Variants in KIAA1549 observed in about 807,000 individuals in gnomAD.
KIAA1549 encodes the protein KIAA1549.
Under a neutral mutation model 156.4 loss-of-function variants are expected in KIAA1549, and 70 were observed. The ratio of observed to expected loss-of-function variants is 0.45; its 90% confidence interval spans 0.37 to 0.55. The LOEUF is 0.55. Among genes scored for constraint, KIAA1549 ranks in the 20% least tolerant of loss-of-function variants. The pLI is 0.00. For synonymous variants in KIAA1549, 1,103 were observed against 1,066.4 expected (o/e 1.03, Z -0.67); for missense variants, 2,428 against 2,540.9 (o/e 0.96, Z 0.96).
chr7:138,909,265 G>C (rs1420159901), intron 4 of KIAA1549, 144 bp from the exon 5 acceptor site: 7 of 824,620 alleles, frequency 8.5e-6, no homozygotes, highest in Non-Finnish European at 1.3e-5. Flanking sequence ...ACATTTCTAC[G>C]TATTTTCTCA....
chr7:138,939,446 T>C lies in KIAA1549; in HGVS notation c.188-20008A>G, dbSNP rs529461629. 3.0e-4 allele frequency among the ~76,000 whole-genome samples: 45 copies of C among 152,314 alleles called. 1 individual carries two copies. In the South Asian group the frequency reaches 6.8e-3, roughly 23 times the overall value. ...TTTTCCCCCTTTTTAAATCTCTCCC[T>C]ATTTACTTGTTAAAGAAAGGTCATT... On this transcript the variant is annotated intron_variant, in intron 1 of 19. Transcript: ENST00000422774.
intron 16 of KIAA1549, among the ~76,000 whole-genome samples, chr7:138,854,563 A>T (rs1363316258): frequency 2.0e-5 from 3 of 152,172 alleles, no homozygotes; most frequent in Non-Finnish European, 4.4e-5. Context: ...AACCAAAAAA[A>T]AGCAAATAGC....
At chr7:138,910,752 C>T (rs901040991) in intron 4 of KIAA1549, among the ~76,000 whole-genome samples, 2 of 135,590 alleles carry the variant, frequency 1.5e-5, no homozygotes, top group East Asian at 4.2e-4. Context: ...GCTGCCCTGG[C>T]TGGTCTCAAA....
intron 7 of KIAA1549, 68 bp from the exon 8 acceptor site, chr7:138,903,804 T>C: frequency 1.3e-5 from 1 of 75,182 alleles, no homozygotes; most frequent in Middle Eastern, 3.5e-3. Flanking sequence ...TGTGTGTGTG[T>C]GTGTGTGTGT....
chr7:138,849,295 T>C (rs1464891951), intron 17 of KIAA1549, among the ~76,000 whole-genome samples: 2 of 152,074 alleles, frequency 1.3e-5, no homozygotes, highest in Admixed American at 1.3e-4. Context: ...TTCCTTTACA[T>C]TTAATTGGAT....
At chr7:138,963,018 T>C (rs974379127) in intron 1 of KIAA1549, among the ~76,000 whole-genome samples, 1 of 152,232 alleles carries the variant, frequency 6.6e-6, no homozygotes, top group Non-Finnish European at 1.5e-5. Flanking sequence ...CTTCCCCTTG[T>C]AGACGGAGTT....
intron 2 of KIAA1549, among the ~76,000 whole-genome samples, chr7:138,913,425 A>G (rs1018046109): frequency 3.3e-5 from 5 of 152,226 alleles, no homozygotes; most frequent in Admixed American, 6.5e-5. Context: ...TTAAAAATCT[A>G]TACTAATAAG....
At chr7:138,942,417 G>A (rs1459287152) in intron 1 of KIAA1549, among the ~76,000 whole-genome samples, 1 of 151,050 alleles carries the variant, frequency 6.6e-6, no homozygotes, top group Non-Finnish European at 1.5e-5. Flanking sequence ...GGATGCTGAA[G>A]CCAGAGAGGC....
At chr7:138,891,420 C>T (rs1255276080) in intron 10 of KIAA1549, among the ~76,000 whole-genome samples, 5 of 152,162 alleles carry the variant, frequency 3.3e-5, no homozygotes, top group Admixed American at 2.6e-4. Flanking sequence ...GAAGAGGATC[C>T]GGGCTGGAGT....
At chr7:138,867,609 G>C (rs916314257) in intron 15 of KIAA1549, among the ~76,000 whole-genome samples, 2 of 152,000 alleles carry the variant, frequency 1.3e-5, no homozygotes, top group Non-Finnish European at 2.9e-5. Flanking sequence ...TCTGACTAGG[G>C]AGAAGGAAAA....
intron 12 of KIAA1549, among the ~76,000 whole-genome samples, chr7:138,877,086 T>C (rs966864603): frequency 2.0e-5 from 3 of 152,164 alleles, no homozygotes; most frequent in Admixed American, 6.5e-5. Context: ...GCTGGTCCCA[T>C]GGCAACATGG....
intron 16 of KIAA1549, among the ~76,000 whole-genome samples, chr7:138,856,476 TCAC>T (rs1810394888): frequency 1.3e-5 from 2 of 152,076 alleles, no homozygotes; most frequent in Non-Finnish European, 2.9e-5. Flanking sequence ...CTAGCTGGAG[TCAC>T]CAACTCTCTC....
At chr7:138,882,086 C>G (rs142316579) in intron 10 of KIAA1549, among the ~76,000 whole-genome samples, 37 of 152,226 alleles carry the variant, frequency 2.4e-4, no homozygotes, top group Admixed American at 2.4e-3. Flanking sequence ...ACTCCAAAAA[C>G]GCCAGCTTCT....
rs577561839 is a variant in KIAA1549 at position 138,919,168 on chromosome 7, T to C, written c.458A>G (p.Asn153Ser). ...VSVTSKEVAV[N>S]DDEMDNFLPD... is the part of the protein sequence containing the mutation. Reference sequence around the variant, plus strand: ...CAGAAAGTTATCCATCTCATCGTCATTGACGGCCACCTCTTTACTCGTCAC... The same window carrying C: ...CAGAAAGTTATCCATCTCATCGTCACTGACGGCCACCTCTTTACTCGTCAC... The change falls in exon 2 of 20, where the codon AAT (asparagine) becomes AGT (serine). Residue 153 changes from asparagine to serine, a missense_variant. This residue lies in a region of KIAA1549 where 893 missense variants were observed against 847.9 expected (regional missense o/e 1.05). Coordinates refer to ENST00000422774, the MANE Select transcript of KIAA1549 (RefSeq NM_001164665.2). 50 of 1,614,014 alleles carry C rather than the reference T, an allele frequency of 3.1e-5. No individual in the cohort carries two copies. In the East Asian group the frequency reaches 5.3e-4, roughly 17 times the overall value.
intron 8 of KIAA1549, among the ~76,000 whole-genome samples, chr7:138,903,015 A>T (rs1271336708): frequency 6.6e-6 from 1 of 152,112 alleles, no homozygotes; most frequent in Non-Finnish European, 1.5e-5. Flanking sequence ...TGTTTTTCAA[A>T]ATTTCTCTAA....
chr7:138,875,587 G>A (rs1335566671), intron 12 of KIAA1549, among the ~76,000 whole-genome samples: 1 of 152,186 alleles, frequency 6.6e-6, no homozygotes, highest in Non-Finnish European at 1.5e-5. Flanking sequence ...CAAGGCTGCA[G>A]TGAGCTGTGA....
At chr7:138,886,126 G>A (rs1811384945) in intron 10 of KIAA1549, among the ~76,000 whole-genome samples, 1 of 152,178 alleles carries the variant, frequency 6.6e-6, no homozygotes, top group African/African-American at 2.4e-5. Context: ...CACCCCTACA[G>A]AGTCCTGTCA....
chr7:138,899,196 T>C (rs781102981), intron 8 of KIAA1549, 64 bp from the exon 9 acceptor site: 1 of 1,472,278 alleles, frequency 6.8e-7, no homozygotes, highest in Non-Finnish European at 9.5e-7. Context: ...CTCTCTCAGG[T>C]TGCTGAATCC....
chr7:138,981,234 G>A lies in KIAA1549; in HGVS notation c.36C>T (p.Ala12=). Residue 12 remains alanine (A), a synonymous_variant, in exon 1 of 20, where the codon GCC becomes GCT. Transcript: ENST00000422774. The surrounding 1 kb of genome is among the most constrained non-coding windows in gnomAD (Gnocchi z 4.5). ...CCCCGGCGCGGGGCTTCCCCTCCATGGCCGCGCCTCGGCGTCGGCGCCGCG... is the reference window on the plus strand; with the variant it reads ...CCCCGGCGCGGGGCTTCCCCTCCATAGCCGCGCCTCGGCGTCGGCGCCGCG... The part of the protein sequence containing the change: ...PGARRRRRGA[A]MEGKPRAGVA... 1 of 992,146 alleles carries A rather than the reference G, an allele frequency of 1.0e-6. No individual in the cohort carries two copies. Among genetic ancestry groups the A allele is most frequent in the South Asian group, 4.5e-5 (1 of 22,108 alleles). 61.5% of individuals were successfully genotyped at this position (992,146 alleles called of 1,614,324 possible).
Sources: allele counts gnomAD v4.1 joint callset (sites outside exome capture counted in the v4.1 genomes callset), GRCh38; gene constraint gnomAD v4.1.1; regional missense constraint gnomAD v4.1.1; non-coding constraint Gnocchi (gnomAD v3.1); transcripts MANE v1.5; gene names NCBI Gene and HGNC (gene_info 2026-07-23, HGNC 2026-07-21).